KCTD16: variants seen among roughly 807,000 people sequenced by gnomAD.
KCTD16 encodes the protein BTB/POZ domain-containing protein KCTD16.
Under a neutral mutation model 33.2 loss-of-function variants are expected in KCTD16, and 13 were observed. The ratio of observed to expected loss-of-function variants is 0.39; its 90% CI spans 0.25 to 0.62. The LOEUF (loss-of-function observed/expected upper bound fraction) is 0.62. KCTD16 is among the 20% of genes least tolerant of loss of function. The probability of loss-of-function intolerance (pLI) is 0.50; values close to 1 mark genes in which losing one functional copy is unlikely to be tolerated. For synonymous variants in KCTD16, 197 were observed against 195.3 expected, an observed-to-expected ratio of 1.01 and a Z score of -0.07; for missense variants, 441 against 525.1, an observed-to-expected ratio of 0.84 and a Z score of 1.57.
At chr5:144,451,240 A>G (rs913849766) in intron 3 of KCTD16, among the ~76,000 whole-genome samples, 5 of 152,126 alleles carry the variant, frequency 3.3e-5, no homozygotes, top group African/African-American at 7.2e-5. Context: ...AGACATCTCT[A>G]GTAAATTAGA....
chr5:144,355,660 T>C (rs935380609), intron 3 of KCTD16, among the ~76,000 whole-genome samples: 1 of 152,172 alleles, frequency 6.6e-6, no homozygotes, highest in African/African-American at 2.4e-5. Context: ...TTTCTTTTCT[T>C]TTTTTAGCCT....
chr5:144,473,595 G>A (rs1008551266), intron 3 of KCTD16, 65 bp from the exon 4 acceptor site: 1 of 1,373,206 alleles, frequency 7.3e-7, no homozygotes, highest in Non-Finnish European at 1.0e-6. Context: ...ATGTCCAAGT[G>A]CTATACTGCT....
At chr5:144,228,990 G>A (rs1379965015) in intron 3 of KCTD16, among the ~76,000 whole-genome samples, 4 of 152,228 alleles carry the variant, frequency 2.6e-5, no homozygotes, top group African/African-American at 9.6e-5. Flanking sequence ...CTGTGGGAGA[G>A]TGAATAAACT....
chr5:144,455,219 C>A (rs1754034495), intron 3 of KCTD16, among the ~76,000 whole-genome samples: 1 of 151,892 alleles, frequency 6.6e-6, no homozygotes, highest in Non-Finnish European at 1.5e-5. Context: ...GGAAGAGAGG[C>A]AAGTGGAGAG....
At chr5:144,335,414 G>C (rs534375019) in intron 3 of KCTD16, among the ~76,000 whole-genome samples, 1 of 152,142 alleles carries the variant, frequency 6.6e-6, no homozygotes, top group African/African-American at 2.4e-5. Flanking sequence ...AGAACTATAC[G>C]TGTGATAATG....
At chr5:144,228,616 A>T (rs1205996981) in intron 3 of KCTD16, among the ~76,000 whole-genome samples, 1 of 152,212 alleles carries the variant, frequency 6.6e-6, no homozygotes, top group Non-Finnish European at 1.5e-5. Context: ...ATTTTTTTAG[A>T]CATTAGAAAA....
chr5:144,417,239 G>A (rs372026639), intron 3 of KCTD16, among the ~76,000 whole-genome samples: 2 of 152,060 alleles, frequency 1.3e-5, no homozygotes, highest in South Asian at 4.1e-4. Flanking sequence ...CACCAATGTG[G>A]AGAGTTCTAA....
intron 3 of KCTD16, among the ~76,000 whole-genome samples, chr5:144,354,195 A>G (rs1320895206): frequency 6.6e-6 from 1 of 152,180 alleles, no homozygotes; most frequent in Non-Finnish European, 1.5e-5. Flanking sequence ...TTATCACTTA[A>G]TATATCATAG....
At chr5:144,225,134 C>A (rs1325139733) in intron 3 of KCTD16, among the ~76,000 whole-genome samples, 1 of 152,146 alleles carries the variant, frequency 6.6e-6, no homozygotes, top group Non-Finnish European at 1.5e-5. Context: ...CAAAACAGAG[C>A]TATTCAAGGG....
chr5:144,268,621 T>C (rs973705548), intron 3 of KCTD16, among the ~76,000 whole-genome samples: 9 of 152,172 alleles, frequency 5.9e-5, no homozygotes, highest in Non-Finnish European at 1.2e-4. Flanking sequence ...GACCCTGGTT[T>C]ATAGAGTTAG....
intron 3 of KCTD16, among the ~76,000 whole-genome samples, chr5:144,439,856 G>A (rs1388954523): frequency 1.3e-5 from 2 of 151,522 alleles, no homozygotes; most frequent in Non-Finnish European, 2.9e-5. Context: ...GGTGACTTGT[G>A]GATTTATGAT....
chr5:144,243,456 T>C (rs1754459000), intron 3 of KCTD16, among the ~76,000 whole-genome samples: 1 of 152,216 alleles, frequency 6.6e-6, no homozygotes. Context: ...CTGATGACCT[T>C]ATTATTTGGA....
intron 3 of KCTD16, among the ~76,000 whole-genome samples, chr5:144,360,877 T>C (rs1431743169): frequency 1.3e-5 from 2 of 150,584 alleles, no homozygotes; most frequent in Non-Finnish European, 3.0e-5. Context: ...TACCTCTGTC[T>C]TTTTTTTTAT....
chr5:144,382,376 C>G (rs1383112509), intron 3 of KCTD16, among the ~76,000 whole-genome samples: 1 of 151,954 alleles, frequency 6.6e-6, no homozygotes, highest in Non-Finnish European at 1.5e-5. Context: ...ACCCCTGAAC[C>G]TAAAATAAAA....
chr5:144,254,881 TCTCAAGTAGCTGGGA>T (rs1754804217), intron 3 of KCTD16, among the ~76,000 whole-genome samples: 1 of 152,076 alleles, frequency 6.6e-6, no homozygotes, highest in Admixed American at 6.6e-5. Context: ...CACTTCAACC[TCTCAAGTAGCTGGGA>T]CCACAGGTGT....
chr5:144,347,726 A>C (rs1752842719), intron 3 of KCTD16, among the ~76,000 whole-genome samples: 1 of 152,212 alleles, frequency 6.6e-6, no homozygotes, highest in South Asian at 2.1e-4. Flanking sequence ...TCGGAAGTGC[A>C]CTGAATGCGC....
At chr5:144,460,097 G>C (rs1347920277) in intron 3 of KCTD16, among the ~76,000 whole-genome samples, 1 of 152,118 alleles carries the variant, frequency 6.6e-6, no homozygotes, top group Non-Finnish European at 1.5e-5. Flanking sequence ...CTCCCAAAGT[G>C]CTGGGATTAC....
chr5:144,222,439 A>G (rs983499175), intron 3 of KCTD16, among the ~76,000 whole-genome samples: 4 of 152,198 alleles, frequency 2.6e-5, no homozygotes, highest in Non-Finnish European at 4.4e-5. Context: ...AGGATATGCC[A>G]TTGTAAGATT....
intron 3 of KCTD16, among the ~76,000 whole-genome samples, chr5:144,395,657 C>G (rs1328935542): frequency 6.6e-6 from 1 of 152,198 alleles, no homozygotes; most frequent in Non-Finnish European, 1.5e-5. Context: ...ACAATAATCC[C>G]CCTATTAGAG....
Sources: gnomAD v4.1 joint callset for allele counts (sites outside exome capture counted in the v4.1 genomes callset) on GRCh38, gnomAD v4.1.1 for gene constraint, MANE v1.5 for transcripts, NCBI Gene and HGNC (gene_info 2026-07-23, HGNC 2026-07-21) for gene names.